CRACD: variants seen among roughly 807,000 people sequenced by gnomAD.
The protein encoded by CRACD is capping protein inhibiting regulator of actin dynamics.
Under a neutral mutation model 106.8 loss-of-function variants are expected in CRACD, and 56 were observed. The ratio of observed to expected loss-of-function variants is 0.52; its 90% confidence interval spans 0.42 to 0.66. The LOEUF (loss-of-function observed/expected upper bound fraction) is 0.66, where lower values mean the gene tolerates loss of function less well. CRACD is among the 30% of genes least tolerant of loss of function. CRACD has a pLI of 0.00. For missense variants in CRACD, 1,730 were observed against 1,623.2 expected, an observed-to-expected ratio of 1.07 and a Z score of -1.13; for synonymous variants, 754 against 670.8, an observed-to-expected ratio of 1.12 and a Z score of -1.92.
chr4:56,220,878 G>A (rs1738994903), intron 2 of CRACD, among the ~76,000 whole-genome samples: 1 of 152,082 alleles, frequency 6.6e-6, no homozygotes, highest in Non-Finnish European at 1.5e-5. Flanking sequence ...GCTTCCAAAA[G>A]GATATATCAT....
chr4:56,307,306 A>C (rs767848566), intron 4 of CRACD, among the ~76,000 whole-genome samples: 37 of 152,164 alleles, frequency 2.4e-4, no homozygotes, highest in Non-Finnish European at 4.0e-4. Context: ...CTGGATGAAA[A>C]AGCTCATGGC....
intron 2 of CRACD, among the ~76,000 whole-genome samples, chr4:56,239,572 C>G (rs1054865471): frequency 2.6e-5 from 4 of 152,032 alleles, no homozygotes; most frequent in Non-Finnish European, 1.5e-5. Context: ...CTAAGTTTAG[C>G]TGAAATGAGA....
intron 5 of CRACD, 59 bp from the exon 6 acceptor site, chr4:56,310,607 T>C: frequency 8.3e-7 from 1 of 1,208,224 alleles, no homozygotes; most frequent in South Asian, 1.2e-5. Context: ...CAGTGTCTGG[T>C]TATTTGCCCA....
chr4:56,205,598 C>G (rs1023834486), intron 2 of CRACD, among the ~76,000 whole-genome samples: 1 of 151,720 alleles, frequency 6.6e-6, no homozygotes, highest in Non-Finnish European at 1.5e-5. Context: ...AGAGTTGAGA[C>G]CAGTACTCCA....
intron 8 of CRACD, among the ~76,000 whole-genome samples, chr4:56,320,382 T>C (rs1187278104): frequency 6.6e-6 from 1 of 152,126 alleles, no homozygotes; most frequent in African/African-American, 2.4e-5. Context: ...TGGGTTTATA[T>C]TGGAGCAAAA....
intron 3 of CRACD, among the ~76,000 whole-genome samples, chr4:56,296,893 T>A (rs769720667): frequency 6.6e-5 from 10 of 150,784 alleles, no homozygotes; most frequent in Non-Finnish European, 1.5e-4. Flanking sequence ...TGCTGCTTCC[T>A]CTTTGTGCAT....
chr4:56,300,862 G>A (rs1165791987), intron 4 of CRACD, among the ~76,000 whole-genome samples: 1 of 152,158 alleles, frequency 6.6e-6, no homozygotes, highest in Non-Finnish European at 1.5e-5. Flanking sequence ...TCTGTTAACA[G>A]TAAGGCGTGA....
At chr4:56,208,474 G>C (rs1192146689) in intron 2 of CRACD, among the ~76,000 whole-genome samples, 1 of 152,146 alleles carries the variant, frequency 6.6e-6, no homozygotes. Context: ...CCAGCATTTT[G>C]TTATGTCAGA....
intron 2 of CRACD, among the ~76,000 whole-genome samples, chr4:56,218,607 CTCTTT>C (rs1201508282): frequency 6.7e-6 from 1 of 149,858 alleles, no homozygotes; most frequent in African/African-American, 2.5e-5. Flanking sequence ...CTTCCCTTCC[CTCTTT>C]TCTTTCTTTT....
At chr4:56,264,039 C>T (rs576933773) in intron 2 of CRACD, among the ~76,000 whole-genome samples, 29 of 152,252 alleles carry the variant, frequency 1.9e-4, no homozygotes, top group African/African-American at 6.7e-4. Context: ...CCTCATGAAA[C>T]TTACAATCAT....
chr4:56,286,200 C>T (rs558894130), intron 3 of CRACD, among the ~76,000 whole-genome samples: 1 of 152,148 alleles, frequency 6.6e-6, no homozygotes, highest in African/African-American at 2.4e-5. Flanking sequence ...TGAGACCAGC[C>T]TGGCCAACAT....
intron 4 of CRACD, among the ~76,000 whole-genome samples, chr4:56,304,015 A>C (rs1249399378): frequency 1.3e-5 from 2 of 152,198 alleles, no homozygotes; most frequent in Non-Finnish European, 1.5e-5. Flanking sequence ...AGGCAACAGC[A>C]TGATGCTGAT....
chr4:56,145,104 T>C (rs1429309487), intron 1 of CRACD, among the ~76,000 whole-genome samples: 1 of 152,192 alleles, frequency 6.6e-6, no homozygotes, highest in Non-Finnish European at 1.5e-5. Context: ...TTTTGTATAT[T>C]TTCAAAAATT....
At chr4:56,295,577 A>T (rs1743960719) in intron 3 of CRACD, among the ~76,000 whole-genome samples, 1 of 150,970 alleles carries the variant, frequency 6.6e-6, no homozygotes, top group African/African-American at 2.4e-5. Context: ...TTCATGACGC[A>T]GTCAAGGTTG....
chr4:56,109,121 G>A (rs1448297158), intron 1 of CRACD, among the ~76,000 whole-genome samples: 1 of 152,166 alleles, frequency 6.6e-6, no homozygotes, highest in African/African-American at 2.4e-5. Flanking sequence ...GCCCTCAAGC[G>A]GCCCTTATGC....
intron 1 of CRACD, among the ~76,000 whole-genome samples, chr4:56,070,879 G>GTGTGTGTGTGTGTA (rs1732625827): frequency 6.6e-6 from 1 of 151,522 alleles, no homozygotes; most frequent in Non-Finnish European, 1.5e-5. Flanking sequence ...GTGTGTGTGT[G>GTGTGTGTGTGTGTA]TGTGTGTGTG....
At chr4:56,262,950 G>A (rs2109620430) in intron 2 of CRACD, among the ~76,000 whole-genome samples, 1 of 152,276 alleles carries the variant, frequency 6.6e-6, no homozygotes, top group African/African-American at 2.4e-5. Context: ...GGCCCTAAGG[G>A]AAGAGGGAAT....
chr4:56,114,159 AG>A (rs1257017196), intron 1 of CRACD, among the ~76,000 whole-genome samples: 1 of 151,728 alleles, frequency 6.6e-6, no homozygotes, highest in Non-Finnish European at 1.5e-5. Context: ...CCATGGATTT[AG>A]GCTCTTTCTG....
intron 1 of CRACD, among the ~76,000 whole-genome samples, chr4:56,154,853 G>T (rs1735715793): frequency 6.6e-6 from 1 of 152,016 alleles, no homozygotes; most frequent in South Asian, 2.1e-4. Flanking sequence ...TAAAGAATAG[G>T]AATCTAGTTA....
Sources: allele counts gnomAD v4.1 joint callset (sites outside exome capture counted in the v4.1 genomes callset), GRCh38; gene constraint gnomAD v4.1.1; transcripts MANE v1.5; gene names NCBI Gene and HGNC (gene_info 2026-07-23, HGNC 2026-07-21).